The following TACC2 variants were observed in gnomAD, a reference collection of about 807,000 sequenced individuals.
TACC2 encodes transforming acidic coiled-coil containing protein 2.
Under a neutral mutation model 227.3 loss-of-function variants are expected in TACC2, and 137 were observed. That is an observed-to-expected ratio of 0.60 (90% CI 0.52 to 0.69). TACC2 has a LOEUF of 0.69. Among genes scored for constraint, TACC2 ranks in the 30% least tolerant of loss-of-function variants. TACC2 has a pLI of 0.00. For missense variants in TACC2, 3,470 were observed against 3,694.4 expected (o/e 0.94, Z 1.57); for synonymous variants, 1,523 against 1,487.5 (o/e 1.02, Z -0.55).
chr10:122,217,747 T>C (rs1282994790), intron 11 of TACC2, among the ~76,000 whole-genome samples: 2 of 151,636 alleles, frequency 1.3e-5, no homozygotes, highest in Non-Finnish European at 2.9e-5. Flanking sequence ...TCCTTTTTGA[T>C]AGGAAAACCT....
At chr10:122,160,021 C>CA (rs1466458721) in intron 7 of TACC2, among the ~76,000 whole-genome samples, 1 of 152,180 alleles carries the variant, frequency 6.6e-6, no homozygotes, top group Non-Finnish European at 1.5e-5. Context: ...GGCTGCACTA[C>CA]ATAGCTTCAG....
intron 14 of TACC2, among the ~76,000 whole-genome samples, 167 bp from the exon 15 acceptor site, chr10:122,229,179 G>A (rs2095686238): frequency 6.6e-6 from 1 of 152,018 alleles, no homozygotes; most frequent in African/African-American, 2.4e-5. Flanking sequence ...GTCAGCATGT[G>A]GGAATTAGTC....
intron 7 of TACC2, among the ~76,000 whole-genome samples, chr10:122,176,291 T>C (rs11200453): frequency 0.28 from 42,407 of 151,456 alleles, 6,360 homozygotes; most frequent in African/African-American, 0.39. Context: ...TCTTTTAATA[T>C]ATGGGTCCTT....
At chr10:122,081,522 C>G (rs1418069537) in intron 3 of TACC2, among the ~76,000 whole-genome samples, 1 of 103,446 alleles carries the variant, frequency 9.7e-6, no homozygotes, top group Non-Finnish European at 2.1e-5. Context: ...AGTGAGACTC[C>G]GTCTCAAAAA....
intron 7 of TACC2, among the ~76,000 whole-genome samples, chr10:122,151,328 A>C (rs2092015845): frequency 6.6e-6 from 1 of 152,134 alleles, no homozygotes. Flanking sequence ...ATCACCACTG[A>C]GTTTTGCAGC....
intron 5 of TACC2, among the ~76,000 whole-genome samples, chr10:122,089,129 ATCTT>A (rs897780632): frequency 2.0e-5 from 3 of 152,234 alleles, no homozygotes; most frequent in Non-Finnish European, 2.9e-5. Flanking sequence ...AAAGAAAAGA[ATCTT>A]TATTGAGATG....
chr10:122,121,921 A>G (rs6585788), intron 5 of TACC2, among the ~76,000 whole-genome samples: 101,714 of 152,140 alleles, frequency 0.67, 37,635 homozygotes, highest in South Asian at 0.82. Flanking sequence ...GAGCTATGGC[A>G]TGCCCACTAG....
intron 18 of TACC2, among the ~76,000 whole-genome samples, chr10:122,240,237 G>A (rs1431268058): frequency 6.6e-6 from 1 of 152,208 alleles, no homozygotes; most frequent in East Asian, 1.9e-4. Context: ...CCTCAGCAGT[G>A]ATGAGTGGTT....
At chr10:122,146,852 G>A (rs958008912) in intron 7 of TACC2, among the ~76,000 whole-genome samples, 3 of 152,096 alleles carry the variant, frequency 2.0e-5, no homozygotes, top group African/African-American at 7.2e-5. Context: ...TTTTGTTTCT[G>A]TAGGTGCCTC....
At chr10:121,998,391 A>G (rs569656426) in intron 1 of TACC2, among the ~76,000 whole-genome samples, 2 of 151,416 alleles carry the variant, frequency 1.3e-5, no homozygotes, top group South Asian at 4.2e-4. Flanking sequence ...ACAATCCACT[A>G]TGACCCTTGT....
chr10:122,160,620 A>G (rs896412707), intron 7 of TACC2, among the ~76,000 whole-genome samples: 2 of 151,898 alleles, frequency 1.3e-5, no homozygotes, highest in East Asian at 1.9e-4. Flanking sequence ...ATCTAATTCT[A>G]ATTACCTCCC....
intron 3 of TACC2, among the ~76,000 whole-genome samples, chr10:122,061,922 A>G (rs1030071592): frequency 1.7e-4 from 26 of 151,828 alleles, no homozygotes; most frequent in Admixed American, 1.1e-3. Context: ...GGTTATGGGG[A>G]AAAGACAGTC....
chr10:122,138,532 A>C, intron 6 of TACC2, among the ~76,000 whole-genome samples: 1 of 152,282 alleles, frequency 6.6e-6, no homozygotes, highest in East Asian at 1.9e-4. Flanking sequence ...AAACAAACAA[A>C]GACTGAATGA....
intron 1 of TACC2, among the ~76,000 whole-genome samples, chr10:122,015,333 G>T (rs1245037489): frequency 2.7e-5 from 4 of 149,362 alleles, no homozygotes; most frequent in Non-Finnish European, 5.9e-5. Flanking sequence ...GGTGAAACCC[G>T]GTCTCTACTA....
At chr10:122,170,296 G>T (rs1361605489) in intron 7 of TACC2, among the ~76,000 whole-genome samples, 1 of 134,470 alleles carries the variant, frequency 7.4e-6, no homozygotes, top group African/African-American at 2.8e-5. Context: ...TTGAGGTGGA[G>T]TCTCACTCTG....
At chr10:122,201,776 C>G (rs888162605) in intron 8 of TACC2, among the ~76,000 whole-genome samples, 1 of 152,122 alleles carries the variant, frequency 6.6e-6, no homozygotes, top group African/African-American at 2.4e-5. Context: ...CAGGTGTTGT[C>G]CTGTTACAGA....
chr10:122,116,483 C>T (rs962382026), intron 5 of TACC2, among the ~76,000 whole-genome samples: 1 of 152,236 alleles, frequency 6.6e-6, no homozygotes, highest in Non-Finnish European at 1.5e-5. Context: ...CCCTTACCAG[C>T]TGTGTGACCT....
chr10:122,008,264 A>ATTATT, intron 1 of TACC2, among the ~76,000 whole-genome samples: 20 of 134,656 alleles, frequency 1.5e-4, no homozygotes, highest in African/African-American at 5.1e-4. Flanking sequence ...TATTATTATT[A>ATTATT]TTTTTTTTTT....
chr10:122,224,698 G>A (rs769743913), intron 11 of TACC2, 28 bp from the exon 12 acceptor site: 4 of 1,608,630 alleles, frequency 2.5e-6, no homozygotes, highest in Non-Finnish European at 3.4e-6. Flanking sequence ...TTGTTTTTTT[G>A]TGTTTGTGTT....
Sources: gnomAD v4.1 joint callset for allele counts (sites outside exome capture counted in the v4.1 genomes callset) on GRCh38, gnomAD v4.1.1 for gene constraint, MANE v1.5 for transcripts, NCBI Gene and HGNC (gene_info 2026-07-23, HGNC 2026-07-21) for gene names.